Variants in EYS observed in about 807,000 individuals in gnomAD.
EYS encodes the protein EGF-like photoreceptor maintenance factor, also known as protein eyes shut homolog.
EYS carries 250 observed loss-of-function variants against 282.1 expected under a neutral mutation model. The ratio of observed to expected loss-of-function variants is 0.89; its 90% confidence interval spans 0.80 to 0.98. The LOEUF is 0.98. Among genes scored for constraint, EYS ranks in the 50% least tolerant of loss-of-function variants. The probability of loss-of-function intolerance (pLI) is 0.00; values close to 1 mark genes in which losing one functional copy is unlikely to be tolerated. For missense variants in EYS, 4,016 were observed against 3,709.0 expected (o/e 1.08, Z -2.15); for synonymous variants, 1,355 against 1,282.9 (o/e 1.06, Z -1.20).
chr6:63,799,769 T>C (rs369131767), intron 37 of EYS, among the ~76,000 whole-genome samples: 2 of 152,292 alleles, frequency 1.3e-5, no homozygotes, highest in East Asian at 3.9e-4. Context: ...TACCAAATTA[T>C]AGGATAAAAC....
intron 2 of EYS, among the ~76,000 whole-genome samples, chr6:65,621,953 T>C (rs1351076067): frequency 6.6e-6 from 1 of 152,168 alleles, no homozygotes; most frequent in Non-Finnish European, 1.5e-5. Context: ...TAATCTTTCC[T>C]TGTGGCAAAT....
intron 35 of EYS, among the ~76,000 whole-genome samples, chr6:63,876,483 T>C (rs990653020): frequency 3.3e-5 from 5 of 152,216 alleles, no homozygotes; most frequent in African/African-American, 1.2e-4. Flanking sequence ...AAATGTCTAT[T>C]AGGTCCTCTT....
intron 22 of EYS, among the ~76,000 whole-genome samples, chr6:64,676,342 A>C (rs1158797339): frequency 2.5e-4 from 36 of 145,212 alleles, no homozygotes; most frequent in Admixed American, 4.2e-4. Flanking sequence ...ATATATCTAT[A>C]TATATATATA....
intron 35 of EYS, among the ~76,000 whole-genome samples, chr6:63,935,744 C>A (rs1765040085): frequency 6.6e-6 from 1 of 152,158 alleles, no homozygotes; most frequent in African/African-American, 2.4e-5. Flanking sequence ...TTTAAGTCAT[C>A]CAGTCTGTGG....
intron 5 of EYS, among the ~76,000 whole-genome samples, chr6:65,463,417 T>C (rs1425941787): frequency 6.6e-6 from 1 of 152,202 alleles, no homozygotes; most frequent in Non-Finnish European, 1.5e-5. Flanking sequence ...ACCTATTCTC[T>C]TAGCATTTGC....
chr6:64,308,113 G>T (rs956846779), intron 29 of EYS, among the ~76,000 whole-genome samples: 3 of 151,908 alleles, frequency 2.0e-5, no homozygotes, highest in African/African-American at 7.2e-5. Context: ...CAATTACCTT[G>T]CCTTATCTGC....
At chr6:64,739,754 A>G (rs1162295057) in intron 22 of EYS, among the ~76,000 whole-genome samples, 1 of 152,132 alleles carries the variant, frequency 6.6e-6, no homozygotes, top group African/African-American at 2.4e-5. Context: ...CAATACCGAC[A>G]TTCCTTCAAA....
chr6:64,091,388 C>G (rs1772354701), intron 31 of EYS, among the ~76,000 whole-genome samples: 2 of 152,124 alleles, frequency 1.3e-5, no homozygotes, highest in African/African-American at 2.4e-5. Context: ...ATTAACCTTT[C>G]CCAGAGACAG....
intron 28 of EYS, among the ~76,000 whole-genome samples, chr6:64,421,343 T>G (rs1774226333): frequency 2.0e-5 from 3 of 152,114 alleles, no homozygotes. Flanking sequence ...CACCTCCTAC[T>G]GGCTCCCTCC....
At chr6:65,435,455 C>T (rs969079594) in intron 5 of EYS, among the ~76,000 whole-genome samples, 1 of 151,568 alleles carries the variant, frequency 6.6e-6, no homozygotes, top group African/African-American at 2.4e-5. Flanking sequence ...GGCTGATTAT[C>T]ACAAAAACTT....
chr6:65,392,838 A>C (rs199945896), intron 7 of EYS, among the ~76,000 whole-genome samples: 28,280 of 148,112 alleles, frequency 0.19, 3,465 homozygotes, highest in Non-Finnish European at 0.26. Context: ...ACCCAAAGGA[A>C]TATAAATCAT....
At chr6:64,135,660 C>G (rs1774136143) in intron 31 of EYS, among the ~76,000 whole-genome samples, 1 of 152,006 alleles carries the variant, frequency 6.6e-6, no homozygotes, top group Non-Finnish European at 1.5e-5. Context: ...TAAGGTGAGT[C>G]TCACAATTTT....
At chr6:65,705,649 T>G (rs942737175) in intron 1 of EYS, among the ~76,000 whole-genome samples, 2 of 152,198 alleles carry the variant, frequency 1.3e-5, no homozygotes, top group African/African-American at 2.4e-5. Flanking sequence ...ATTTTGTCTG[T>G]CATTTATTTA....
At chr6:64,467,426 G>A (rs909196913) in intron 26 of EYS, among the ~76,000 whole-genome samples, 1 of 152,104 alleles carries the variant, frequency 6.6e-6, no homozygotes. Flanking sequence ...CCAATTGTAT[G>A]CTTACATCCT....
chr6:63,722,292 C>CA, intron 42 of EYS, among the ~76,000 whole-genome samples: 1 of 152,228 alleles, frequency 6.6e-6, no homozygotes, highest in South Asian at 2.1e-4. Context: ...AACACTCCGC[C>CA]ACCCCATTCC....
At chr6:65,019,714 C>T (rs1772185607) in intron 13 of EYS, among the ~76,000 whole-genome samples, 1 of 152,160 alleles carries the variant, frequency 6.6e-6, no homozygotes, top group African/African-American at 2.4e-5. Flanking sequence ...AAATTTCTAA[C>T]TCCAGGTAGG....
intron 32 of EYS, among the ~76,000 whole-genome samples, chr6:64,072,264 T>G (rs1437471054): frequency 1.3e-5 from 2 of 152,130 alleles, no homozygotes; most frequent in Admixed American, 6.6e-5. Flanking sequence ...TTAACCCATC[T>G]GGGTTTATCA....
At chr6:65,330,737 A>G (rs1769765524) in intron 11 of EYS, 1 of 954,814 alleles carries the variant, frequency 1.0e-6, no homozygotes, top group South Asian at 4.8e-5. Flanking sequence ...AGTTTAATTG[A>G]AAAATTTCTC....
At position 64,324,731 on chromosome 6, in the gene EYS, A is replaced by T. The variant is rs77833206; in HGVS notation, c.6079-17649T>A. On this transcript the variant is annotated intron_variant, in intron 29 of 42. Transcript: ENST00000503581. ...TTTAGAAAACCATAAAGACTCTGCCAAAAGGCTACTGGACCTGATACATAA... is the reference window on the plus strand; with the variant it reads ...TTTAGAAAACCATAAAGACTCTGCCTAAAGGCTACTGGACCTGATACATAA... Among the ~76,000 whole-genome samples, 11 of 152,358 alleles carry T rather than the reference A, an allele frequency of 7.2e-5. No individual in the cohort carries two copies. The East Asian group carries it at 2.1e-3, about 29-fold the overall frequency.
Sources: gnomAD v4.1 joint callset for allele counts (sites outside exome capture counted in the v4.1 genomes callset) on GRCh38, gnomAD v4.1.1 for gene constraint, MANE v1.5 for transcripts, NCBI Gene and HGNC (gene_info 2026-07-23, HGNC 2026-07-21) for gene names.